CDH6: variants seen among roughly 807,000 people sequenced by gnomAD.
CDH6 encodes cadherin-6.
A neutral mutation model predicts 78.0 loss-of-function variants in CDH6; 31 were observed. The ratio of observed to expected loss-of-function variants is 0.40; its 90% CI spans 0.30 to 0.54. CDH6 has a LOEUF of 0.54. Among genes scored for constraint, CDH6 ranks in the 20% least tolerant of loss-of-function variants. The pLI is 0.56. For missense variants in CDH6, 724 were observed against 975.9 expected, an observed-to-expected ratio of 0.74 and a Z score of 3.44; for synonymous variants, 376 against 368.8, an observed-to-expected ratio of 1.02 and a Z score of -0.23.
intron 2 of CDH6, among the ~76,000 whole-genome samples, chr5:31,290,715 A>G (rs1395311059): frequency 5.3e-5 from 8 of 152,070 alleles, no homozygotes; most frequent in Non-Finnish European, 1.0e-4. Flanking sequence ...GCAGAGGAGG[A>G]GAGTGGGGAG....
Position 31,302,187 on chromosome 5 carries a change from T to C in CDH6, c.888T>C (p.Asp296=), listed in dbSNP as rs768705935. The C allele has an allele frequency of 9.3e-6, 15 of 1,613,896 alleles. No individual in the cohort carries two copies. Among genetic ancestry groups the C allele is most frequent in the Non-Finnish European group, 1.3e-5 (15 of 1,179,910 alleles). Residue 296 remains aspartate, a synonymous_variant, in exon 6 of 12, where the codon GAT becomes GAC. Transcript: ENST00000265071. Reference sequence around the variant, plus strand: ...GCAGAATCAAAGCCAGCGACGCTGATGTGGGAGAAAATGCTGAAATTGAGT... The same window carrying C: ...GCAGAATCAAAGCCAGCGACGCTGACGTGGGAGAAAATGCTGAAATTGAGT... ...PIGRIKASDA[D]VGENAEIEYS... is the part of the protein sequence containing the mutation.
intron 1 of CDH6, among the ~76,000 whole-genome samples, chr5:31,233,981 T>A (rs1741387083): frequency 6.6e-6 from 1 of 152,258 alleles, no homozygotes; most frequent in Admixed American, 6.5e-5. Flanking sequence ...ATGATTGAAT[T>A]ATTACATGTT....
At chr5:31,271,007 G>A (rs776481375) in intron 2 of CDH6, among the ~76,000 whole-genome samples, 15 of 152,150 alleles carry the variant, frequency 9.9e-5, no homozygotes, top group Non-Finnish European at 1.8e-4. Flanking sequence ...TGCCATTCAA[G>A]CAGATTACTA....
chr5:31,256,911 G>A (rs568266049), intron 1 of CDH6, among the ~76,000 whole-genome samples: 90 of 152,176 alleles, frequency 5.9e-4, no homozygotes, highest in Non-Finnish European at 1.1e-3. Context: ...GCCGAGAGAG[G>A]TGGAATAGCT....
intron 7 of CDH6, 148 bp downstream of exon 7, chr5:31,305,575 A>G: frequency 1.3e-6 from 1 of 771,202 alleles, no homozygotes; most frequent in Non-Finnish European, 2.0e-6. Flanking sequence ...CAGCACCTTT[A>G]ACTCTCTTTG....
intron 3 of CDH6, 131 bp from the exon 4 acceptor site, chr5:31,297,149 TCACCCAGCA>T: frequency 1.4e-6 from 1 of 708,382 alleles, no homozygotes; most frequent in Admixed American, 2.5e-5. Flanking sequence ...CAATCCTTTT[TCACCCAGCA>T]TCCTACCAAA....
intron 1 of CDH6, among the ~76,000 whole-genome samples, chr5:31,259,168 C>A (rs1202384079): frequency 6.6e-6 from 1 of 152,138 alleles, no homozygotes; most frequent in Non-Finnish European, 1.5e-5. Flanking sequence ...AATTAGACAT[C>A]ATGTAATTGA....
intron 2 of CDH6, among the ~76,000 whole-genome samples, chr5:31,269,751 C>T (rs1169782006): frequency 6.6e-6 from 1 of 152,218 alleles, no homozygotes; most frequent in African/African-American, 2.4e-5. Context: ...TTTACAACCA[C>T]AGCTTTGACT....
chr5:31,211,065 T>C (rs1173731181), intron 1 of CDH6, among the ~76,000 whole-genome samples: 3 of 152,252 alleles, frequency 2.0e-5, no homozygotes, highest in Non-Finnish European at 4.4e-5. Flanking sequence ...TCTTTTATTT[T>C]AGCCTGTGTG....
At chr5:31,249,556 G>C (rs998636625) in intron 1 of CDH6, 4 of 152,188 alleles carry the variant, frequency 2.6e-5, no homozygotes, top group African/African-American at 7.2e-5. Flanking sequence ...ACATCACAGA[G>C]ACCAAACCAT....
At chr5:31,201,993 C>T (rs1344849753) in intron 1 of CDH6, among the ~76,000 whole-genome samples, 2 of 152,136 alleles carry the variant, frequency 1.3e-5, no homozygotes, top group Admixed American at 6.5e-5. Context: ...TGAATTTGCC[C>T]ACTTGATTAC....
chr5:31,222,401 CTATT>C (rs1354039453), intron 1 of CDH6, among the ~76,000 whole-genome samples: 2 of 152,070 alleles, frequency 1.3e-5, no homozygotes, highest in Non-Finnish European at 2.9e-5. Context: ...CCTTATTTCT[CTATT>C]TGTCATATGA....
chr5:31,238,185 A>AT (rs1741502084), intron 1 of CDH6, among the ~76,000 whole-genome samples: 1 of 152,240 alleles, frequency 6.6e-6, no homozygotes, highest in African/African-American at 2.4e-5. Flanking sequence ...ACATCTAGGG[A>AT]TTTTTTAGTC....
chr5:31,231,522 C>G (rs963657124), intron 1 of CDH6, among the ~76,000 whole-genome samples: 2 of 152,134 alleles, frequency 1.3e-5, no homozygotes, highest in Non-Finnish European at 2.9e-5. Flanking sequence ...ATTTGGAGAG[C>G]TGAGAAGTCC....
At chr5:31,199,718 T>TATATATATAC (rs1177055995) in intron 1 of CDH6, among the ~76,000 whole-genome samples, 2 of 78,360 alleles carry the variant, frequency 2.6e-5, no homozygotes, top group East Asian at 7.6e-4. Flanking sequence ...TATATATATC[T>TATATATATAC]CAAAGATAAA....
intron 1 of CDH6, among the ~76,000 whole-genome samples, chr5:31,220,949 T>A (rs897857708): frequency 6.6e-6 from 1 of 152,152 alleles, no homozygotes; most frequent in African/African-American, 2.4e-5. Context: ...ACATCTGGAT[T>A]TATTCTTTCC....
At chr5:31,321,820 A>G (rs1237717550) in intron 11 of CDH6, among the ~76,000 whole-genome samples, 1 of 152,196 alleles carries the variant, frequency 6.6e-6, no homozygotes, top group South Asian at 2.1e-4. Context: ...ACTCCTCTGC[A>G]CAAACCCAGT....
intron 1 of CDH6, among the ~76,000 whole-genome samples, chr5:31,233,089 G>A (rs188158968): frequency 2.0e-5 from 3 of 152,008 alleles, no homozygotes; most frequent in East Asian, 1.9e-4. Flanking sequence ...ACACACACAC[G>A]CGTACATAGA....
At chr5:31,302,903 AAAAGAAAGAAAGAAAGAAAGAAAG>A (rs70953502) in intron 6 of CDH6, among the ~76,000 whole-genome samples, 12 of 90,424 alleles carry the variant, frequency 1.3e-4, no homozygotes, top group Admixed American at 6.4e-4. Context: ...AAGAAAGAAA[AAAAGAAAGAAAGAAAGAAAGAAAG>A]AAAGAAAGAA....
Sources: allele counts gnomAD v4.1 joint callset (sites outside exome capture counted in the v4.1 genomes callset), GRCh38; gene constraint gnomAD v4.1.1; transcripts MANE v1.5; gene names NCBI Gene and HGNC (gene_info 2026-07-23, HGNC 2026-07-21).